TAF8: variants seen among roughly 807,000 people sequenced by gnomAD.
TAF8 encodes the protein TATA-box binding protein associated factor 8.
Under a neutral mutation model 36.5 loss-of-function variants are expected in TAF8, and 47 were observed. The ratio of observed to expected loss-of-function variants is 1.29; its 90% confidence interval spans 1.02 to 1.64. The LOEUF is 1.64. Among genes scored for constraint, TAF8 ranks in the 40% most tolerant of loss-of-function variants. The pLI is 0.00. For synonymous variants in TAF8, 175 were observed against 159.5 expected (o/e 1.10, Z -0.73); for missense variants, 420 against 407.6 (o/e 1.03, Z -0.26).
At chr6:42,070,471 G>A (rs1388832877) in intron 7 of TAF8, among the ~76,000 whole-genome samples, 2 of 152,296 alleles carry the variant, frequency 1.3e-5, no homozygotes, top group South Asian at 2.1e-4. Context: ...CAGCCTGGGC[G>A]ACACAGCAAG....
rs1765954615 is a variant in TAF8, at chr6:42,082,561, A to G, written c.*5016A>G. 2 of 151,944 alleles carry G rather than the reference A, an allele frequency of 1.3e-5. No individual in the cohort carries two copies. The highest frequency in any genetic ancestry group is 2.4e-5 in the African/African-American group (1 of 41,324). 9.4% of individuals were successfully genotyped at this position (151,944 alleles called of 1,614,324 possible). ...ACCATGTTGGCCAGGTTGGTCTCCA[A>G]CTCCTGACCTCAAGTGATCCGCCCA... On this transcript the variant is annotated 3_prime_UTR_variant, in exon 9 of 9. Coordinates refer to ENST00000372977, the MANE Select transcript of TAF8 (RefSeq NM_138572.3).
intron 2 of TAF8, among the ~76,000 whole-genome samples, chr6:42,053,874 T>G (rs1440009558): frequency 6.6e-6 from 1 of 152,184 alleles, no homozygotes; most frequent in Non-Finnish European, 1.5e-5. Flanking sequence ...TGGAACAATC[T>G]TGGAATTTAG....
Position 42,082,382 on chromosome 6 carries a change from G to A in TAF8, c.*4837G>A. 1 of 152,230 alleles carries A rather than the reference G, an allele frequency of 6.6e-6. No individual in the cohort carries two copies. The highest frequency in any genetic ancestry group is 1.9e-4 in the East Asian group (1 of 5,200). The allele number at this position is 152,230 out of a possible 1,614,324, so 9.4% of individuals were successfully genotyped here. On this transcript the variant is annotated 3_prime_UTR_variant, in exon 9 of 9. Transcript: ENST00000372977. Reference sequence around the variant, plus strand: ...GAGTCTTGCTCTATCGCCTAGGCTGGATGGAGTGCAGTGGAGCGATCCCAG... The same window carrying A: ...GAGTCTTGCTCTATCGCCTAGGCTGAATGGAGTGCAGTGGAGCGATCCCAG...
chr6:42,080,131 C>T lies in TAF8; in HGVS notation c.*2586C>T, dbSNP rs111620851. Reference sequence around the variant, plus strand: ...TCAGGGTTTGTGATTCAGTTCTTAGCGATTCTTGGCCTGATAAGTTTATGA... The same window carrying T: ...TCAGGGTTTGTGATTCAGTTCTTAGTGATTCTTGGCCTGATAAGTTTATGA... On this transcript the variant is annotated 3_prime_UTR_variant, in exon 9 of 9. Transcript: ENST00000372977. 2.8e-3 allele frequency: 2,729 copies of T among 985,356 alleles called. 51 individuals carry two copies. The African/African-American group carries it at 0.045, about 16-fold the overall frequency. 61.0% of individuals were successfully genotyped at this position (985,356 alleles called of 1,614,324 possible).
chr6:42,075,638 CA>C (rs1365654584), intron 7 of TAF8, among the ~76,000 whole-genome samples: 1 of 152,136 alleles, frequency 6.6e-6, no homozygotes, highest in African/African-American at 2.4e-5. Flanking sequence ...CCTCAAGTTG[CA>C]GAACAGGAAT....
intron 3 of TAF8, 64 bp from the exon 4 acceptor site, chr6:42,055,888 A>G (rs2127450449): frequency 6.3e-6 from 7 of 1,107,734 alleles, no homozygotes; most frequent in South Asian, 6.2e-5. Context: ...CCATACTACT[A>G]CTATTCTTTC....
chr6:42,058,891 A>AT (rs1484018311), intron 5 of TAF8, among the ~76,000 whole-genome samples: 1 of 152,150 alleles, frequency 6.6e-6, no homozygotes, highest in Admixed American at 6.5e-5. Flanking sequence ...TTCTTGGCTC[A>AT]TAGATGCATC....
rs199621057 is a variant in TAF8, at chr6:42,077,493, G to C, written c.921-40G>C. On this transcript the variant is annotated intron_variant, in intron 8 of 8. Coordinates refer to ENST00000372977, the MANE Select transcript of TAF8 (RefSeq NM_138572.3). ...TTTCCCCTAGAAGGAGAGCAGACAG[G>C]GCCCACACCAGGAGGCTCCATGGTT... The C allele has an allele frequency of 2.4e-5, 38 of 1,609,738 alleles. No individual in the cohort carries two copies. In the African/African-American group the frequency reaches 4.7e-4, roughly 20 times the overall value.
intron 3 of TAF8, 32 bp from the exon 4 acceptor site, chr6:42,055,920 T>G: frequency 6.9e-7 from 1 of 1,443,562 alleles, no homozygotes; most frequent in Non-Finnish European, 9.8e-7. Context: ...TCCAGTGGTC[T>G]GGGCAGTGAT....
intron 1 of TAF8, chr6:42,050,856 C>T (rs1582207199): frequency 8.9e-7 from 1 of 1,123,830 alleles, no homozygotes; most frequent in East Asian, 3.3e-5. Context: ...TTTTCGCCTT[C>T]TTATTGGCCG....
chr6:42,070,332 C>CG (rs1554172922), intron 7 of TAF8, among the ~76,000 whole-genome samples: 2 of 150,108 alleles, frequency 1.3e-5, no homozygotes, highest in Non-Finnish European at 3.0e-5. Flanking sequence ...ACTAAAAATA[C>CG]AAAAAAAAAA....
intron 5 of TAF8, among the ~76,000 whole-genome samples, chr6:42,062,898 A>G (rs1473927546): frequency 6.6e-6 from 1 of 152,058 alleles, no homozygotes; most frequent in African/African-American, 2.4e-5. Context: ...AACAAAAGCT[A>G]TGGCTAAAGC....
rs1765880975 is a variant in TAF8 at position 42,080,235 on chromosome 6, C to A, written c.*2690C>A. On this transcript the variant is annotated 3_prime_UTR_variant, in exon 9 of 9. Transcript: ENST00000372977. ...GGAGGTGTTGTCCCAGTCAGTGTTT[C>A]TGCAGCTTCCATTTGTTGTTGTTAT... 2.0e-6 allele frequency: 2 copies of A among 985,396 alleles called. No individual in the cohort carries two copies. The highest frequency in any genetic ancestry group is 2.4e-6 in the Non-Finnish European group (2 of 830,044). 61.0% of individuals were successfully genotyped at this position (985,396 alleles called of 1,614,324 possible).
chr6:42,086,060 C>T (rs1408517653), downstream of TAF8, among the ~76,000 whole-genome samples: 5 of 152,322 alleles, frequency 3.3e-5, no homozygotes, highest in South Asian at 2.1e-4. Flanking sequence ...GAGAGCCAGA[C>T]GCCGAATCAG....
Position 42,051,507 on chromosome 6 carries a change from C to T in TAF8, c.196C>T (p.Gln66Ter), listed in dbSNP as rs764979779. The T allele has an allele frequency of 1.2e-6, 2 of 1,613,766 alleles. No individual in the cohort carries two copies. The highest frequency in any genetic ancestry group is 1.7e-6 in the Non-Finnish European group (2 of 1,179,954). ...ASVETLTEML[Q>*]SYISEIGRSA... ...CGTGGAAACGCTGACAGAGATGCTG[C>T]AGAGCTGTGAGTACATGGAAACACT... The change falls in exon 2 of 9, where the codon CAG (glutamine) becomes TAG (stop). Residue 66 changes from glutamine (Q) to a stop codon, truncating the protein, a stop_gained. Coordinates refer to ENST00000372977, the MANE Select transcript of TAF8 (RefSeq NM_138572.3). LOFTEE classifies it high-confidence loss of function.
chr6:42,079,399 C>T lies in TAF8; in HGVS notation c.*1854C>T. 1.0e-6 allele frequency: 1 copy of T among 985,396 alleles called. No homozygotes were observed. Among genetic ancestry groups the T allele is most frequent in the Non-Finnish European group, 1.2e-6 (1 of 829,924 alleles). 61.0% of individuals were successfully genotyped at this position (985,396 alleles called of 1,614,324 possible). A position where few individuals can be genotyped will look rare whatever the true frequency, so the allele number is the denominator to read the frequency against. ...GTTTTTAAGGAAGATGCTGGGCATG[C>T]TGATAGCTTTTCTGGTCTCCTAAGG... On this transcript the variant is annotated 3_prime_UTR_variant, in exon 9 of 9. Transcript: ENST00000372977.
intron 7 of TAF8, among the ~76,000 whole-genome samples, chr6:42,073,869 C>T (rs914252586): frequency 1.3e-5 from 2 of 152,060 alleles, no homozygotes; most frequent in African/African-American, 2.4e-5. Flanking sequence ...ATAGCCTAGG[C>T]GAGAGGCAGT....
At chr6:42,072,071 A>G (rs544710605) in intron 7 of TAF8, among the ~76,000 whole-genome samples, 1 of 152,278 alleles carries the variant, frequency 6.6e-6, no homozygotes, top group East Asian at 1.9e-4. Flanking sequence ...TGATTGTGTT[A>G]CTTTACGCCT....
downstream of TAF8, among the ~76,000 whole-genome samples, chr6:42,084,519 G>A (rs113275459): frequency 0.086 from 13,042 of 152,148 alleles, 984 homozygotes; most frequent in African/African-American, 0.2. Context: ...CTGGAGGGCA[G>A]TGGTGCGATC....
Sources: gnomAD v4.1 joint callset for allele counts (sites outside exome capture counted in the v4.1 genomes callset) on GRCh38, gnomAD v4.1.1 for gene constraint, MANE v1.5 for transcripts, NCBI Gene and HGNC (gene_info 2026-07-23, HGNC 2026-07-21) for gene names.